Variants in PLEKHA7 observed in about 807,000 individuals in gnomAD.
The protein encoded by PLEKHA7 is pleckstrin homology domain containing A7, also known as pleckstrin homology domain-containing family A member 7.
Under a neutral mutation model 170.0 loss-of-function variants are expected in PLEKHA7, and 104 were observed. That is an observed-to-expected ratio of 0.61 (90% CI 0.52 to 0.72). PLEKHA7 has a LOEUF of 0.72. PLEKHA7 is among the 30% of genes least tolerant of loss of function. The probability of loss-of-function intolerance (pLI) is 0.00; values close to 1 mark genes in which losing one functional copy is unlikely to be tolerated. For synonymous variants in PLEKHA7, 648 were observed against 660.8 expected, an observed-to-expected ratio of 0.98 and a Z score of 0.30; for missense variants, 1,615 against 1,671.7, an observed-to-expected ratio of 0.97 and a Z score of 0.59.
At chr11:16,870,859 C>T (rs929151711) in intron 4 of PLEKHA7, among the ~76,000 whole-genome samples, 1 of 152,146 alleles carries the variant, frequency 6.6e-6, no homozygotes, top group Admixed American at 6.6e-5. Context: ...TTTAAAGAGG[C>T]TCTGACAATA....
intron 3 of PLEKHA7, among the ~76,000 whole-genome samples, chr11:16,980,485 C>T (rs1863359030): frequency 6.6e-6 from 1 of 152,242 alleles, no homozygotes; most frequent in Non-Finnish European, 1.5e-5. Flanking sequence ...ACAGCCGCCT[C>T]CCACAGGGCA....
intron 3 of PLEKHA7, among the ~76,000 whole-genome samples, chr11:16,915,779 T>C (rs1376093528): frequency 1.3e-4 from 19 of 148,216 alleles, no homozygotes; most frequent in African/African-American, 3.5e-4. Context: ...ACATTTGGGT[T>C]GGTTCCAAGT....
chr11:16,832,221 T>C (rs1851174347), intron 9 of PLEKHA7, among the ~76,000 whole-genome samples: 1 of 152,178 alleles, frequency 6.6e-6, no homozygotes, highest in Admixed American at 6.5e-5. Flanking sequence ...AACCCTGGAT[T>C]CCTGCTATGG....
chr11:16,817,153 G>A lies in PLEKHA7; in HGVS notation c.1513C>T (p.Leu505=). The change falls in exon 11 of 27, where the codon CTG becomes TTG. Residue 505 remains leucine (L), a synonymous_variant. Transcript: ENST00000531066. The surrounding 1 kb of genome is among the most constrained non-coding windows in gnomAD (Gnocchi z 4.4). ...CGGCGCTCTTCACTCGACATCTTCA[G>A]GTGGCTGGCTCGGTCCTGCGCATAC... ...YKYAQDRASH[L]KMSSEERRAH... 1 of 1,614,240 alleles carries A rather than the reference G, an allele frequency of 6.2e-7. No homozygotes were observed.
intron 3 of PLEKHA7, among the ~76,000 whole-genome samples, chr11:16,975,638 G>T (rs140154250): frequency 2.6e-5 from 4 of 152,046 alleles, no homozygotes; most frequent in African/African-American, 9.6e-5. Flanking sequence ...AGTTAAGTGA[G>T]AAAATACAAA....
chr11:16,884,797 G>A (rs886218500), intron 3 of PLEKHA7, among the ~76,000 whole-genome samples: 2 of 152,042 alleles, frequency 1.3e-5, no homozygotes, highest in African/African-American at 4.8e-5. Flanking sequence ...CAGTGTTGAG[G>A]GTGAACACCT....
rs1728613106 is a variant in PLEKHA7, at chr11:16,786,223, C to T, written c.3516+6G>A. The T allele has an allele frequency of 1.3e-6, 2 of 1,535,998 alleles. No homozygotes were observed. Among genetic ancestry groups the T allele is most frequent in the African/African-American group, 2.7e-5 (2 of 73,150 alleles). ...TGGAGGACATGAAGGAAGTGCCTGCCCTCACCTCTCTGCTGATGTCCAAGT... is the reference window on the plus strand; with the variant it reads ...TGGAGGACATGAAGGAAGTGCCTGCTCTCACCTCTCTGCTGATGTCCAAGT... On this transcript the variant is annotated splice_donor_region_variant and intron_variant, in intron 24 of 26. Coordinates refer to ENST00000531066, the MANE Select transcript of PLEKHA7 (RefSeq NM_001329630.2).
intron 9 of PLEKHA7, among the ~76,000 whole-genome samples, chr11:16,833,417 T>C (rs1851272212): frequency 6.6e-6 from 1 of 152,206 alleles, no homozygotes; most frequent in Admixed American, 6.5e-5. Flanking sequence ...CCTCACTTTA[T>C]TCATTCCTGC....
intron 3 of PLEKHA7, among the ~76,000 whole-genome samples, chr11:17,004,398 T>TC (rs1864859085): frequency 4.8e-5 from 1 of 20,806 alleles, no homozygotes; most frequent in Non-Finnish European, 1.2e-4. Flanking sequence ...TTTCTTTTTC[T>TC]TTTTTTTTTT....
At chr11:16,842,500 T>A (rs1850254935) in intron 8 of PLEKHA7, 1 of 148,698 alleles carries the variant, frequency 6.7e-6, no homozygotes, top group Admixed American at 7.0e-5. Context: ...AAAGAGGCAC[T>A]ACAGAGGTGG....
intron 4 of PLEKHA7, among the ~76,000 whole-genome samples, chr11:16,868,487 C>T (rs1386001634): frequency 6.6e-6 from 1 of 152,174 alleles, no homozygotes; most frequent in East Asian, 1.9e-4. Flanking sequence ...AGGCAAATTC[C>T]CTACTCAACT....
intron 3 of PLEKHA7, among the ~76,000 whole-genome samples, chr11:16,931,768 A>G (rs572695108): frequency 1.6e-5 from 2 of 123,610 alleles, no homozygotes; most frequent in Non-Finnish European, 3.2e-5. Context: ...CCCCCCCCCC[A>G]AAAAAAAAAA....
intron 6 of PLEKHA7, among the ~76,000 whole-genome samples, chr11:16,854,247 G>GTGGGGA (rs1853237285): frequency 6.6e-6 from 1 of 152,242 alleles, no homozygotes; most frequent in Non-Finnish European, 1.5e-5. Context: ...TCAACTGGCA[G>GTGGGGA]TGGGGATTCC....
chr11:16,876,594 A>T (rs1855312182), intron 3 of PLEKHA7, among the ~76,000 whole-genome samples: 2 of 152,182 alleles, frequency 1.3e-5, no homozygotes, highest in Non-Finnish European at 2.9e-5. Flanking sequence ...CTGGGCCAGG[A>T]AGTACTTGGG....
At position 16,968,804 on chromosome 11, in the gene PLEKHA7, C is replaced by A. The variant is rs558218005; in HGVS notation, c.221+45185G>T. Among the ~76,000 whole-genome samples, 41 of 152,274 alleles carry A rather than the reference C, an allele frequency of 2.7e-4. 1 individual carries two copies. The highest frequency in any genetic ancestry group is 6.8e-3 in the Middle Eastern group (2 of 294). ...AGCCTCATAGGGATTTCACATCCCC[C>A]ACTTAACACTCTATACACTGCAGAC... On this transcript the variant is annotated intron_variant, in intron 3 of 26. Transcript: ENST00000531066.
In PLEKHA7 at chr11:16,790,742, G is replaced by T; in HGVS notation, c.3052+56C>A. Reference sequence around the variant, plus strand: ...GAAGGGTACGAGGCACCAGCTGAAGGCTGGAAGCAGTGTGGTGGGATTCCC... The same window carrying T: ...GAAGGGTACGAGGCACCAGCTGAAGTCTGGAAGCAGTGTGGTGGGATTCCC... On this transcript the variant is annotated intron_variant, in intron 21 of 26. Coordinates refer to ENST00000531066, the MANE Select transcript of PLEKHA7 (RefSeq NM_001329630.2). The T allele has an allele frequency of 3.9e-6, 6 of 1,540,994 alleles. No homozygotes were observed. In the South Asian group the frequency reaches 5.8e-5, roughly 15 times the overall value.
At chr11:16,967,657 G>C (rs1862455903) in intron 3 of PLEKHA7, among the ~76,000 whole-genome samples, 1 of 152,100 alleles carries the variant, frequency 6.6e-6, no homozygotes, top group Non-Finnish European at 1.5e-5. Context: ...CATCACCCCT[G>C]CTTTGCCTCC....
intron 3 of PLEKHA7, among the ~76,000 whole-genome samples, chr11:16,911,058 C>G (rs989683438): frequency 5.9e-5 from 9 of 152,208 alleles, no homozygotes; most frequent in African/African-American, 2.2e-4. Context: ...AATGCAAATT[C>G]CTCGGTTTTA....
At chr11:16,964,929 G>A (rs1356487555) in intron 3 of PLEKHA7, among the ~76,000 whole-genome samples, 1 of 151,694 alleles carries the variant, frequency 6.6e-6, no homozygotes, top group African/African-American at 2.4e-5. Flanking sequence ...TAGCACAGCA[G>A]GTATGTATAT....
Sources: gnomAD v4.1 joint callset for allele counts (sites outside exome capture counted in the v4.1 genomes callset) on GRCh38, gnomAD v4.1.1 for gene constraint, Gnocchi (gnomAD v3.1) non-coding constraint, MANE v1.5 for transcripts, NCBI Gene and HGNC (gene_info 2026-07-23, HGNC 2026-07-21) for gene names.